Variants in SETD9 observed in about 807,000 individuals in gnomAD.
SETD9 encodes the protein SET domain containing 9, also known as SET domain-containing protein 9.
SETD9 carries 37 observed loss-of-function variants against 36.4 expected under a neutral mutation model. The ratio of observed to expected loss-of-function variants is 1.02; its 90% confidence interval spans 0.78 to 1.34. The LOEUF (loss-of-function observed/expected upper bound fraction) is 1.34. Among genes scored for constraint, SETD9 ranks in the 40% most tolerant of loss-of-function variants. SETD9 has a pLI of 0.00. For synonymous variants in SETD9, 128 were observed against 132.9 expected, an observed-to-expected ratio of 0.96 and a Z score of 0.26; for missense variants, 323 against 353.2, an observed-to-expected ratio of 0.91 and a Z score of 0.69.
chr5:56,924,134 T>G, intron 5 of SETD9: 1 of 1,253,914 alleles, frequency 8.0e-7, no homozygotes, highest in Non-Finnish European at 1.1e-6. Flanking sequence ...CTTCAATCCA[T>G]GGGTCTTATT....
chr5:56,915,753 C>T (rs1336954616), intron 5 of SETD9, among the ~76,000 whole-genome samples: 1 of 151,604 alleles, frequency 6.6e-6, no homozygotes, highest in Non-Finnish European at 1.5e-5. Context: ...TGCTTGAGCA[C>T]AGGAATTCGA....
intron 1 of SETD9, 116 bp from the exon 2 acceptor site, chr5:56,911,053 C>T: frequency 8.1e-7 from 1 of 1,231,684 alleles, no homozygotes; most frequent in Non-Finnish European, 1.1e-6. Flanking sequence ...TTCCAGCCCT[C>T]CACACACATG....
downstream of SETD9, among the ~76,000 whole-genome samples, chr5:56,918,900 G>C (rs1268639155): frequency 6.6e-6 from 1 of 152,116 alleles, no homozygotes; most frequent in Non-Finnish European, 1.5e-5. Context: ...AGGAGCTTTA[G>C]CTTAAAAAGA....
downstream of SETD9, chr5:56,928,605 G>A (rs1750117908): frequency 2.0e-6 from 1 of 510,300 alleles, no homozygotes; most frequent in Non-Finnish European, 3.5e-6. Flanking sequence ...CCATAAGCAG[G>A]CTGTGGCATC....
At chr5:56,927,244 C>T (rs1750034721), downstream of SETD9, among the ~76,000 whole-genome samples, 1 of 152,042 alleles carries the variant, frequency 6.6e-6, no homozygotes, top group Non-Finnish European at 1.5e-5. Flanking sequence ...AAACTATGGA[C>T]TTTAATTAAT....
intron 5 of SETD9, 116 bp downstream of exon 5, chr5:56,915,082 A>G: frequency 4.9e-6 from 3 of 611,134 alleles, no homozygotes; most frequent in Non-Finnish European, 2.6e-6. Context: ...AAAAATTATA[A>G]CTCAGATTTT....
At position 56,910,294 on chromosome 5, in the gene SETD9, A is replaced by C. The variant is rs542789715; in HGVS notation, c.98+551A>C. 1.4e-4 allele frequency: 184 copies of C among 1,304,308 alleles called. No individual in the cohort carries two copies. The African/African-American group carries it at 2.5e-3, about 18-fold the overall frequency. 80.8% of individuals were successfully genotyped at this position (1,304,308 alleles called of 1,614,324 possible). On this transcript the variant is annotated intron_variant, in intron 1 of 5. Coordinates refer to ENST00000285947, the MANE Select transcript of SETD9 (RefSeq NM_153706.4). ...ATACAAGTACTTCACGTGGTTAAAGAAGCCCATCCCGGCTGTGAGAATAGC... is the reference window on the plus strand; with the variant it reads ...ATACAAGTACTTCACGTGGTTAAAGCAGCCCATCCCGGCTGTGAGAATAGC...
intron 5 of SETD9, chr5:56,923,340 T>C (rs1749769490): frequency 6.2e-7 from 1 of 1,614,100 alleles, no homozygotes; most frequent in African/African-American, 1.3e-5. Context: ...ATTTTCAATC[T>C]TTTTGCTGGT....
chr5:56,918,304 C>T (rs1749510750), downstream of SETD9, among the ~76,000 whole-genome samples: 1 of 152,176 alleles, frequency 6.6e-6, no homozygotes, highest in Non-Finnish European at 1.5e-5. Flanking sequence ...ACATCTTCCC[C>T]CAGACAGCCA....
chr5:56,909,773 C>CAGA, intron 1 of SETD9, 30 bp downstream of exon 1: 1 of 1,585,346 alleles, frequency 6.3e-7, no homozygotes, highest in South Asian at 1.1e-5. Context: ...GAACGAGGGG[C>CAGA]ACCTGCCTTC....
intron 3 of SETD9, 111 bp from the exon 4 acceptor site, chr5:56,913,763 C>CTTTT (rs74270761): frequency 7.6e-6 from 4 of 529,416 alleles, no homozygotes; most frequent in African/African-American, 4.1e-5. Flanking sequence ...ATACTAAAGT[C>CTTTT]TTTTTTTTTT....
chr5:56,913,923 A>G lies in SETD9; in HGVS notation c.640A>G (p.Thr214Ala), dbSNP rs372166694. The change falls in exon 4 of 6, where the codon ACA (threonine) becomes GCA (alanine). Residue 214 changes from threonine (T) to alanine (A), a missense_variant. Transcript: ENST00000285947. ...RLGPLKMSDS[T>A]WLTSEIHNPL... ...CGGCCCTTTAAAAATGAGTGATAGT[A>G]CATGGCTAACGTCAGAAATTCATAA... The G allele has an allele frequency of 6.2e-7, 1 of 1,614,078 alleles. No homozygotes were observed. The highest frequency in any genetic ancestry group is 8.5e-7 in the Non-Finnish European group (1 of 1,179,914).
chr5:56,915,067 TA>T (rs1356574810), intron 5 of SETD9, 101 bp downstream of exon 5: 3 of 729,366 alleles, frequency 4.1e-6, no homozygotes, highest in Non-Finnish European at 6.1e-6. Context: ...ATTTTTTTTT[TA>T]GTGAAAAATT....
intron 5 of SETD9, chr5:56,924,001 A>G: frequency 3.1e-6 from 5 of 1,614,028 alleles, no homozygotes; most frequent in Non-Finnish European, 4.2e-6. Context: ...TCTTCCACAT[A>G]TAGTAGAATG....
chr5:56,926,175 C>T (rs1749971318), downstream of SETD9, among the ~76,000 whole-genome samples: 1 of 151,912 alleles, frequency 6.6e-6, no homozygotes, highest in African/African-American at 2.4e-5. Flanking sequence ...ATCTAGGTGA[C>T]CTTAGGTTTG....
chr5:56,912,100 A>G, intron 2 of SETD9: 3 of 794,428 alleles, frequency 3.8e-6, no homozygotes, highest in Non-Finnish European at 4.6e-6. Flanking sequence ...GGTTGCAGTG[A>G]GCCGAGATTG....
intron 1 of SETD9, chr5:56,910,033 C>A (rs944203601): frequency 1.1e-5 from 15 of 1,339,528 alleles, no homozygotes; most frequent in Non-Finnish European, 1.3e-5. Context: ...TGGCCTCTTT[C>A]CCAGTGTCCG....
exon 6 of SETD9, chr5:56,925,450 T>G (rs1050840848): frequency 1.8e-5 from 7 of 381,404 alleles, no homozygotes; most frequent in Non-Finnish European, 3.6e-5. Flanking sequence ...TCAACTGCTT[T>G]CCTATATAAC....
At chr5:56,919,002 A>T (rs1170298067), downstream of SETD9, among the ~76,000 whole-genome samples, 1 of 152,176 alleles carries the variant, frequency 6.6e-6, no homozygotes, top group Admixed American at 6.5e-5. Flanking sequence ...GTCAAATAAT[A>T]ATAATATTTG....
Sources: allele counts gnomAD v4.1 joint callset (sites outside exome capture counted in the v4.1 genomes callset), GRCh38; gene constraint gnomAD v4.1.1; transcripts MANE v1.5; gene names NCBI Gene and HGNC (gene_info 2026-07-23, HGNC 2026-07-21).